Variants in LGSN observed in about 807,000 individuals in gnomAD.
LGSN encodes the protein lengsin, lens protein with glutamine synthetase domain.
In LGSN, 21 loss-of-function variants were observed where a neutral mutation model predicts 19.5. The ratio of observed to expected loss-of-function variants is 1.07; its 90% CI spans 0.76 to 1.55. The LOEUF is 1.55. Among genes scored for constraint, LGSN ranks in the 40% most tolerant of loss-of-function variants. The probability of loss-of-function intolerance (pLI) is 0.00; values close to 1 mark genes in which losing one functional copy is unlikely to be tolerated. For missense variants in LGSN, 673 were observed against 608.5 expected, an observed-to-expected ratio of 1.11 and a Z score of -1.12; for synonymous variants, 257 against 215.6, an observed-to-expected ratio of 1.19 and a Z score of -1.68.
the LGSN span, among the ~76,000 whole-genome samples, chr6:63,406,599 A>G: frequency 1.3e-5 from 2 of 151,182 alleles, no homozygotes; most frequent in Admixed American, 6.6e-5. Context: ...TTGACACCCT[A>G]ACATCACAAT....
At chr6:63,492,197 G>A in the LGSN span, among the ~76,000 whole-genome samples, 1 of 152,172 alleles carries the variant, frequency 6.6e-6, no homozygotes. Context: ...TGTAAATGCA[G>A]GCATGTGCAT....
At chr6:63,439,731 T>G in the LGSN span, among the ~76,000 whole-genome samples, 2 of 152,178 alleles carry the variant, frequency 1.3e-5, no homozygotes, top group Non-Finnish European at 2.9e-5. Context: ...CTTCTCTAGT[T>G]CTTTGGAATT....
chr6:63,297,063 C>T (rs1017930827), intron 1 of LGSN, among the ~76,000 whole-genome samples: 8 of 151,862 alleles, frequency 5.3e-5, no homozygotes, highest in African/African-American at 1.9e-4. Context: ...AAAAACTGAC[C>T]AGGCGCGGTG....
chr6:63,549,731 C>G, the LGSN span, among the ~76,000 whole-genome samples: 1 of 151,778 alleles, frequency 6.6e-6, no homozygotes, highest in Non-Finnish European at 1.5e-5. Flanking sequence ...AGATTGTTCT[C>G]ACTCATATGT....
the LGSN span, among the ~76,000 whole-genome samples, chr6:63,331,624 A>G: frequency 6.6e-6 from 1 of 151,868 alleles, no homozygotes; most frequent in South Asian, 2.1e-4. Flanking sequence ...GTGCTCACCA[A>G]CGCAGCAGCA....
chr6:63,468,017 A>G, the LGSN span, among the ~76,000 whole-genome samples: 18 of 152,074 alleles, frequency 1.2e-4, no homozygotes, highest in Non-Finnish European at 2.4e-4. Flanking sequence ...ATTATCTCTT[A>G]ATTATCTCCA....
rs1375891146 is a variant in LGSN, at chr6:63,288,109, T to A, written c.164-2356A>T. ...GGCATTCACCTGTAATCCCAGCTAC[T>A]CAGGAGGCTGAGGCAGGAGAATCTC... On this transcript the variant is annotated intron_variant, in intron 2 of 3. Transcript: ENST00000370657. Among the ~76,000 whole-genome samples the A allele has an allele frequency of 2.0e-5, 3 of 151,902 alleles. No individual in the cohort carries two copies. The East Asian group carries it at 5.8e-4, about 29-fold the overall frequency.
chr6:63,512,344 A>G, the LGSN span, among the ~76,000 whole-genome samples: 4 of 152,102 alleles, frequency 2.6e-5, no homozygotes, highest in East Asian at 7.7e-4. Context: ...CGGCCTCCCA[A>G]AGTGCTGGGA....
chr6:63,472,031 A>G, the LGSN span, among the ~76,000 whole-genome samples: 1 of 152,064 alleles, frequency 6.6e-6, no homozygotes, highest in Non-Finnish European at 1.5e-5. Flanking sequence ...TCTAATCCTC[A>G]CCCTAACTTT....
At chr6:63,310,819 G>A (rs1582047135) in intron 1 of LGSN, among the ~76,000 whole-genome samples, 3 of 152,268 alleles carry the variant, frequency 2.0e-5, no homozygotes, top group Admixed American at 6.5e-5. Flanking sequence ...CCATCAAAAT[G>A]CTCACAAAAT....
chr6:63,341,654 G>T, the LGSN span, among the ~76,000 whole-genome samples: 3 of 152,190 alleles, frequency 2.0e-5, no homozygotes, highest in Non-Finnish European at 2.9e-5. Context: ...ACACTGGAAA[G>T]GAAGGGTCCA....
chr6:63,518,122 C>T, the LGSN span, among the ~76,000 whole-genome samples: 4 of 148,814 alleles, frequency 2.7e-5, no homozygotes, highest in Non-Finnish European at 5.9e-5. Flanking sequence ...ATATCGCACT[C>T]CAGCCTGGGC....
chr6:63,397,779 G>A, the LGSN span, among the ~76,000 whole-genome samples: 2,395 of 152,040 alleles, frequency 0.016, 74 homozygotes, highest in African/African-American at 0.054. Flanking sequence ...TCAGCTGGAT[G>A]TGGTGGCACG....
the LGSN span, among the ~76,000 whole-genome samples, chr6:63,437,657 G>A: frequency 3.3e-5 from 5 of 152,190 alleles, no homozygotes; most frequent in Non-Finnish European, 5.9e-5. Flanking sequence ...TACAGGCTGG[G>A]CACAGTGGTT....
chr6:63,429,606 G>T, the LGSN span, among the ~76,000 whole-genome samples: 1 of 151,896 alleles, frequency 6.6e-6, no homozygotes, highest in Non-Finnish European at 1.5e-5. Context: ...TGTGGTCGCG[G>T]GCGCCTGTAA....
At chr6:63,523,722 CT>C in the LGSN span, among the ~76,000 whole-genome samples, 7 of 151,888 alleles carry the variant, frequency 4.6e-5, no homozygotes, top group African/African-American at 1.7e-4. Flanking sequence ...AATTATAAGA[CT>C]TTTTTTGCGA....
chr6:63,525,720 G>T, the LGSN span, among the ~76,000 whole-genome samples: 1 of 152,088 alleles, frequency 6.6e-6, no homozygotes, highest in East Asian at 1.9e-4. Context: ...AGGCCTAGTG[G>T]TAGCAGCTGC....
chr6:63,306,366 G>T (rs919682300), intron 1 of LGSN, among the ~76,000 whole-genome samples: 2 of 152,104 alleles, frequency 1.3e-5, no homozygotes, highest in African/African-American at 4.8e-5. Flanking sequence ...TATATAGTGT[G>T]ATCTGTGTAA....
At chr6:63,517,577 G>C in the LGSN span, among the ~76,000 whole-genome samples, 1 of 151,820 alleles carries the variant, frequency 6.6e-6, no homozygotes, top group Non-Finnish European at 1.5e-5. Context: ...TTTTGTAAAG[G>C]GAAATACACT....
Sources: allele counts gnomAD v4.1 joint callset (sites outside exome capture counted in the v4.1 genomes callset), GRCh38; gene constraint gnomAD v4.1.1; transcripts MANE v1.5; gene names NCBI Gene and HGNC (gene_info 2026-07-23, HGNC 2026-07-21).